MEMO1: variants seen among roughly 807,000 people sequenced by gnomAD.
MEMO1 encodes protein MEMO1.
In MEMO1, 6 loss-of-function variants were observed where a neutral mutation model predicts 45.2. The observed-to-expected ratio is 0.13, with a 90% CI of 0.07 to 0.26. The LOEUF (loss-of-function observed/expected upper bound fraction) is 0.26, where lower values mean the gene tolerates loss of function less well. Ranked by LOEUF, MEMO1 falls within the 10% of genes least tolerant of loss-of-function variation. MEMO1 has a pLI of 1.00. For synonymous variants in MEMO1, 78 were observed against 124.3 expected (o/e 0.63, Z 2.48); for missense variants, 184 against 370.5 (o/e 0.50, Z 4.13).
chr2:31,928,079 T>C (rs77651862), intron 4 of MEMO1, among the ~76,000 whole-genome samples: 1 of 152,248 alleles, frequency 6.6e-6, no homozygotes, highest in Non-Finnish European at 1.5e-5. Flanking sequence ...TTAAAATAAA[T>C]ATGCTTTAAT....
At chr2:31,997,901 T>C (rs1672793965) in intron 2 of MEMO1, among the ~76,000 whole-genome samples, 1 of 152,240 alleles carries the variant, frequency 6.6e-6, no homozygotes, top group African/African-American at 2.4e-5. Context: ...GCTCTCCCAG[T>C]AACACAGGAA....
Position 31,868,126 on chromosome 2 carries a change from T to C in MEMO1, c.*235A>G. On this transcript the variant is annotated 3_prime_UTR_variant, in exon 10 of 10. Transcript: ENST00000404530. ...CTGAGCCTTTACATTGTCATCTTTTTTGATCAAAATATTTTGATGCCAGCC... is the reference window on the plus strand; with the variant it reads ...CTGAGCCTTTACATTGTCATCTTTTCTGATCAAAATATTTTGATGCCAGCC... The C allele has an allele frequency of 2.7e-6, 1 of 373,822 alleles. No homozygotes were observed. The highest frequency in any genetic ancestry group is 4.4e-6 in the Non-Finnish European group (1 of 226,456). The allele number at this position is 373,822 out of a possible 1,614,324, so 23.2% of individuals were successfully genotyped here.
intron 6 of MEMO1, among the ~76,000 whole-genome samples, chr2:31,910,140 G>C (rs747111374): frequency 1.3e-4 from 20 of 151,980 alleles, no homozygotes; most frequent in Admixed American, 3.9e-4. Context: ...CACTAATTTA[G>C]AATTCTATAT....
chr2:31,948,109 C>CTA (rs1373129151), intron 2 of MEMO1, among the ~76,000 whole-genome samples: 1 of 152,126 alleles, frequency 6.6e-6, no homozygotes, highest in Non-Finnish European at 1.5e-5. Flanking sequence ...GGCCTATAGG[C>CTA]TATACTCCAG....
chr2:31,992,996 C>T (rs1403430416), intron 2 of MEMO1, among the ~76,000 whole-genome samples: 1 of 151,998 alleles, frequency 6.6e-6, no homozygotes, highest in African/African-American at 2.4e-5. Flanking sequence ...ATGCTTCCAA[C>T]TAATGTCACA....
chr2:31,919,265 C>T (rs908665640), intron 5 of MEMO1, among the ~76,000 whole-genome samples: 2 of 151,994 alleles, frequency 1.3e-5, no homozygotes, highest in African/African-American at 2.4e-5. Flanking sequence ...CCTCCTACCT[C>T]GCTGCCCCAT....
intron 3 of MEMO1, among the ~76,000 whole-genome samples, chr2:31,932,397 C>G (rs1664289751): frequency 6.6e-6 from 1 of 150,964 alleles, no homozygotes; most frequent in Non-Finnish European, 1.5e-5. Context: ...TTCAAGTTTA[C>G]TTGAAGTTGC....
intron 6 of MEMO1, among the ~76,000 whole-genome samples, chr2:31,896,988 T>G (rs1231809430): frequency 2.0e-5 from 3 of 152,190 alleles, no homozygotes; most frequent in Admixed American, 2.0e-4. Context: ...TTTGTAGCAA[T>G]TGTGAATGGG....
At chr2:31,872,851 A>G (rs1311411660) in intron 8 of MEMO1, among the ~76,000 whole-genome samples, 1 of 152,192 alleles carries the variant, frequency 6.6e-6, no homozygotes, top group Non-Finnish European at 1.5e-5. Context: ...GGCTTTTCTC[A>G]TAAGTGAACC....
At chr2:31,906,025 G>A (rs999229737) in intron 6 of MEMO1, among the ~76,000 whole-genome samples, 2 of 151,542 alleles carry the variant, frequency 1.3e-5, no homozygotes, top group East Asian at 1.9e-4. Flanking sequence ...CTGGGCTGGA[G>A]TGCAATGGCG....
At chr2:31,986,831 A>C (rs564465873) in intron 2 of MEMO1, among the ~76,000 whole-genome samples, 1 of 152,334 alleles carries the variant, frequency 6.6e-6, no homozygotes, top group East Asian at 1.9e-4. Context: ...ACTTCCAAAA[A>C]AACAGGAAAG....
intron 7 of MEMO1, 106 bp downstream of exon 7, chr2:31,891,886 T>C (rs551288957): frequency 4.1e-6 from 5 of 1,210,982 alleles, no homozygotes; most frequent in Non-Finnish European, 5.8e-6. Context: ...AGTAAAACTT[T>C]CCAAGGAAAG....
chr2:31,951,596 G>C (rs994943017), intron 2 of MEMO1, among the ~76,000 whole-genome samples: 1 of 151,258 alleles, frequency 6.6e-6, no homozygotes, highest in Non-Finnish European at 1.5e-5. Context: ...GCAGTGGCAC[G>C]ATCTCGGCTC....
Position 31,913,532 on chromosome 2 carries a change from TA to T in MEMO1, c.437+4393del, listed in dbSNP as rs1200511580. ...ATGATTAAGAGTTTTTTTTTTTTTT[TA>T]TTTTTTGAAAATTAAAAAAACATGT... is the stretch of plus-strand genomic sequence containing the variant. On this transcript the variant is annotated intron_variant, in intron 6 of 9. Transcript: ENST00000404530. 6.8e-4 allele frequency among the ~76,000 whole-genome samples: 103 copies of T among 150,416 alleles called. 1 individual carries two copies. The highest frequency in any genetic ancestry group is 4.2e-3 in the Admixed American group (64 of 15,150).
At chr2:31,993,513 C>T (rs1201121951) in intron 2 of MEMO1, among the ~76,000 whole-genome samples, 1 of 152,168 alleles carries the variant, frequency 6.6e-6, no homozygotes. Context: ...ATTTGCCATA[C>T]TGAAGTTTGA....
intron 2 of MEMO1, among the ~76,000 whole-genome samples, chr2:31,998,753 T>C (rs1187931175): frequency 1.3e-5 from 2 of 150,542 alleles, no homozygotes; most frequent in African/African-American, 2.5e-5. Flanking sequence ...TGAGTAGAGA[T>C]CATGCCATTG....
intron 2 of MEMO1, among the ~76,000 whole-genome samples, chr2:31,989,240 AAAAG>A (rs1176468817): frequency 1.3e-4 from 20 of 151,992 alleles, no homozygotes; most frequent in East Asian, 3.9e-4. Flanking sequence ...AAAAAAAAAA[AAAAG>A]AAAGAAAGAA....
chr2:31,991,863 T>G (rs1382075208), intron 2 of MEMO1, among the ~76,000 whole-genome samples: 2 of 151,990 alleles, frequency 1.3e-5, no homozygotes, highest in Non-Finnish European at 2.9e-5. Flanking sequence ...TATAAATGAA[T>G]CCATCATCTA....
At chr2:31,912,662 T>C (rs1238137664) in intron 6 of MEMO1, among the ~76,000 whole-genome samples, 1 of 151,892 alleles carries the variant, frequency 6.6e-6, no homozygotes, top group Admixed American at 6.6e-5. Context: ...GTGTATAAGA[T>C]ATGATCTCTT....
Sources: allele counts gnomAD v4.1 joint callset (sites outside exome capture counted in the v4.1 genomes callset), GRCh38; gene constraint gnomAD v4.1.1; transcripts MANE v1.5; gene names NCBI Gene and HGNC (gene_info 2026-07-23, HGNC 2026-07-21).